The following ABCB1 variants were observed in gnomAD, a reference collection of about 807,000 sequenced individuals.
ABCB1 encodes the protein ATP binding cassette subfamily B member 1, also known as ATP-dependent translocase ABCB1.
ABCB1 carries 69 observed loss-of-function variants against 142.0 expected under a neutral mutation model. That is an observed-to-expected ratio of 0.49 (90% CI 0.40 to 0.59). The LOEUF is 0.59. ABCB1 is among the 20% of genes least tolerant of loss of function. ABCB1 has a pLI of 0.00. For missense variants in ABCB1, 1,326 were observed against 1,554.7 expected, an observed-to-expected ratio of 0.85 and a Z score of 2.47; for synonymous variants, 532 against 539.2, an observed-to-expected ratio of 0.99 and a Z score of 0.18.
At chr7:87,636,199 T>G (rs1377937425) in intron 1 of ABCB1, among the ~76,000 whole-genome samples, 1 of 152,182 alleles carries the variant, frequency 6.6e-6, no homozygotes, top group African/African-American at 2.4e-5. Flanking sequence ...TAGTGAGCAT[T>G]GTGTGTAGGA....
chr7:87,525,530 T>C (rs1233080059), intron 21 of ABCB1, among the ~76,000 whole-genome samples: 1 of 152,146 alleles, frequency 6.6e-6, no homozygotes, highest in African/African-American at 2.4e-5. Context: ...TTAACATGTA[T>C]TTTGTATGTT....
At chr7:87,677,652 TAC>T (rs1826514366) in intron 1 of ABCB1, among the ~76,000 whole-genome samples, 1 of 152,000 alleles carries the variant, frequency 6.6e-6, no homozygotes, top group Non-Finnish European at 1.5e-5. Context: ...TCACCATACA[TAC>T]ACACACAAAA....
chr7:87,564,717 T>A (rs1817716257), intron 7 of ABCB1, among the ~76,000 whole-genome samples: 1 of 152,204 alleles, frequency 6.6e-6, no homozygotes, highest in Non-Finnish European at 1.5e-5. Context: ...AGTGTAATGC[T>A]GAGTGAGGAT....
chr7:87,667,053 A>G (rs1033888128), intron 1 of ABCB1, among the ~76,000 whole-genome samples: 19 of 152,166 alleles, frequency 1.2e-4, no homozygotes, highest in African/African-American at 4.6e-4. Context: ...TGATAGGAAT[A>G]GCATTGAATC....
At chr7:87,647,974 A>G (rs183750265) in intron 1 of ABCB1, among the ~76,000 whole-genome samples, 1 of 152,108 alleles carries the variant, frequency 6.6e-6, no homozygotes, top group Non-Finnish European at 1.5e-5. Context: ...CATGAGGTCA[A>G]GAAATCGAGA....
In ABCB1 at chr7:87,671,770, C is replaced by A. The variant is rs2130524121; in HGVS notation, c.-331+41391G>T. 2.0e-5 allele frequency among the ~76,000 whole-genome samples: 3 copies of A among 152,222 alleles called. 1 individual carries two copies. Among genetic ancestry groups the A allele is most frequent in the Middle Eastern group, 6.8e-3 (2 of 294 alleles). On this transcript the variant is annotated intron_variant, in intron 1 of 28. Transcript: ENST00000265724. The stretch of plus-strand genomic sequence containing the variant: ...AGCTGTTCCGTGCTGTGCTGGAGGT[C>A]CACTTCAGCCCCCGGTTGCCTCAGA...
At chr7:87,694,289 C>T (rs948488395) in intron 1 of ABCB1, among the ~76,000 whole-genome samples, 1 of 152,040 alleles carries the variant, frequency 6.6e-6, no homozygotes, top group African/African-American at 2.4e-5. Context: ...AGATGTGGCA[C>T]CATAAACAAT....
At position 87,520,848 on chromosome 7, in the gene ABCB1, C is replaced by T. The variant is rs774299788; in HGVS notation, c.2714G>A (p.Arg905Gln). The T allele has an allele frequency of 4.0e-5, 65 of 1,613,702 alleles. No homozygotes were observed. The highest frequency in any genetic ancestry group is 6.7e-5 in the East Asian group (3 of 44,874). ...CTCCTGAGTCAAAGAAACAACGGTT[C>T]GGAAGTTTTCTATTGCTTCAGTAGC... The part of the protein sequence containing the change: ...KIATEAIENF[R>Q]TVVSLTQEQK... Residue 905 changes from arginine (R) to glutamine (Q), a missense_variant, in exon 22 of 28, where the codon CGA becomes CAA. Arg to Gln is a conservative substitution (Grantham distance 43). Transcript: ENST00000622132.
chr7:87,597,706 C>T (rs766138094), intron 2 of ABCB1, among the ~76,000 whole-genome samples: 160 of 152,216 alleles, frequency 1.1e-3, no homozygotes, highest in Non-Finnish European at 1.9e-3. Context: ...GAGTCTTTTT[C>T]ATGGTTTATA....
chr7:87,631,337 G>T (rs1821195106), intron 1 of ABCB1, among the ~76,000 whole-genome samples: 1 of 152,122 alleles, frequency 6.6e-6, no homozygotes. Context: ...ACTTTCCAGA[G>T]TCACCAAACC....
intron 1 of ABCB1, among the ~76,000 whole-genome samples, chr7:87,652,057 G>T (rs1180914959): frequency 3.3e-5 from 5 of 151,946 alleles, no homozygotes; most frequent in South Asian, 4.1e-4. Context: ...GTAGTATTTT[G>T]AGATATTATT....
At chr7:87,606,628 T>G (rs1234048470) in intron 1 of ABCB1, among the ~76,000 whole-genome samples, 2 of 152,084 alleles carry the variant, frequency 1.3e-5, no homozygotes, top group Non-Finnish European at 2.9e-5. Context: ...TATGCTAATA[T>G]GCAAGGACAA....
In ABCB1 at chr7:87,700,746, A is replaced by T. The variant is rs565848751; in HGVS notation, c.-331+12415T>A. ...TGGCTCTCAAATAATGTTCAGCAGA[A>T]CCCTGAAGATGTCCAAGACCCTTTC... On this transcript the variant is annotated intron_variant, in intron 1 of 28. Transcript: ENST00000265724. 7.2e-5 allele frequency among the ~76,000 whole-genome samples: 11 copies of T among 152,336 alleles called. 1 individual carries two copies. The South Asian group carries it at 2.3e-3, about 32-fold the overall frequency.
chr7:87,536,998 C>T (rs1015536399), intron 19 of ABCB1: 4 of 202,548 alleles, frequency 2.0e-5, no homozygotes, highest in Non-Finnish European at 4.0e-5. Context: ...TCAGGGAAAG[C>T]AGAAACAGCA....
chr7:87,605,833 G>T (rs184445922), upstream of ABCB1, among the ~76,000 whole-genome samples: 1 of 152,258 alleles, frequency 6.6e-6, no homozygotes, highest in Non-Finnish European at 1.5e-5. Flanking sequence ...AGTATAAATT[G>T]TATTATTTCC....
chr7:87,544,162 T>G lies in ABCB1; in HGVS notation c.2178A>C (p.Pro726=), dbSNP rs747938843. The G allele has an allele frequency of 3.1e-6, 5 of 1,614,004 alleles. No individual in the cohort carries two copies. Among genetic ancestry groups the G allele is most frequent in the Non-Finnish European group, 4.2e-6 (5 of 1,179,924 alleles). ...FCAIINGGLQ[P]AFAIIFSKII... is the part of the protein sequence containing the mutation. ...TCTTTGAAAATATTATTGCAAATGC[T>G]GGTTGCAGGCCTCCATTTATAATGG... is the stretch of plus-strand genomic sequence containing the variant. Residue 726 remains proline, a synonymous_variant, in exon 17 of 28, where the codon CCA becomes CCC. Transcript: ENST00000622132.
intron 8 of ABCB1, among the ~76,000 whole-genome samples, chr7:87,555,407 T>A (rs920481466): frequency 6.6e-6 from 1 of 152,196 alleles, no homozygotes; most frequent in Admixed American, 6.5e-5. Context: ...TTATATAGCA[T>A]TATATTAATT....
At chr7:87,545,089 A>C in intron 15 of ABCB1, 90 bp from the exon 16 acceptor site, 1 of 1,237,462 alleles carries the variant, frequency 8.1e-7, no homozygotes, top group Non-Finnish European at 1.2e-6. Context: ...CAAGGAAAAC[A>C]GCAATTTGTT....
At position 87,594,375 on chromosome 7, in the gene ABCB1, C is replaced by T. The variant is rs75244085; in HGVS notation, c.117+1391G>A. The stretch of plus-strand genomic sequence containing the variant: ...CTTGGCACACAGTGCTTTATGTGTG[C>T]TATTACTACTACCTCATATTAAAGC... On this transcript the variant is annotated intron_variant, in intron 3 of 27. Coordinates refer to ENST00000622132, the MANE Select transcript of ABCB1 (RefSeq NM_001348946.2). 5.4e-3 allele frequency among the ~76,000 whole-genome samples: 819 copies of T among 152,192 alleles called. 2 individuals carry two copies. Among genetic ancestry groups the T allele is most frequent in the Non-Finnish European group, 8.0e-3 (545 of 67,982 alleles).
Sources: gnomAD v4.1 joint callset for allele counts (sites outside exome capture counted in the v4.1 genomes callset) on GRCh38, gnomAD v4.1.1 for gene constraint, MANE v1.5 for transcripts, NCBI Gene and HGNC (gene_info 2026-07-23, HGNC 2026-07-21) for gene names.